The following SPOCK1 variants were observed in gnomAD, a reference collection of about 807,000 sequenced individuals.
The protein encoded by SPOCK1 is SPARC (osteonectin), cwcv and kazal like domains proteoglycan 1.
Under a neutral mutation model 55.3 loss-of-function variants are expected in SPOCK1, and 23 were observed. The observed-to-expected ratio is 0.42, with a 90% CI of 0.30 to 0.59. The LOEUF (loss-of-function observed/expected upper bound fraction) is 0.59. Ranked by LOEUF, SPOCK1 falls within the 20% of genes least tolerant of loss-of-function variation. The pLI is 0.22. For synonymous variants in SPOCK1, 226 were observed against 221.0 expected (o/e 1.02, Z -0.20); for missense variants, 499 against 552.5 (o/e 0.90, Z 0.97).
intron 6 of SPOCK1, among the ~76,000 whole-genome samples, chr5:137,017,949 A>C (rs2126978370): frequency 6.6e-6 from 1 of 152,338 alleles, no homozygotes; most frequent in Non-Finnish European, 1.5e-5. Context: ...AAATTCTCCA[A>C]ATTACAATTC....
In SPOCK1 at chr5:137,498,380, A is replaced by C. The variant is rs1305058436; in HGVS notation, c.179T>G (p.Phe60Cys). 17 of 1,598,206 alleles carry C rather than the reference A, an allele frequency of 1.1e-5. No homozygotes were observed. The highest frequency in any genetic ancestry group is 1.4e-5 in the Non-Finnish European group (16 of 1,172,302). Residue 60 changes from phenylalanine (F) to cysteine (C), a missense_variant, in exon 2 of 11, where the codon TTT (phenylalanine) becomes TGT (cysteine). This residue lies in a region of SPOCK1 where 386 missense variants were observed against 400.6 expected (regional missense o/e 0.96). Transcript: ENST00000394945. ...QYDRDKYWNR[F>C]RDDDYFRNWN... ...GGTGGCGCCGGTACTCACGTCTCGA[A>C]AGCGGTTCCAGTACTTGTCCCGGTC...
At chr5:137,136,921 A>C (rs1001848013) in intron 4 of SPOCK1, among the ~76,000 whole-genome samples, 1 of 152,212 alleles carries the variant, frequency 6.6e-6, no homozygotes, top group African/African-American at 2.4e-5. Flanking sequence ...GAAACCAAAT[A>C]CAAATGCCAC....
intron 6 of SPOCK1, among the ~76,000 whole-genome samples, chr5:137,043,834 T>A (rs1008425110): frequency 6.6e-6 from 1 of 152,148 alleles, no homozygotes; most frequent in Non-Finnish European, 1.5e-5. Flanking sequence ...CTGGATGAGA[T>A]CCTGGAACAG....
At chr5:137,054,478 G>A (rs2126999439) in intron 6 of SPOCK1, among the ~76,000 whole-genome samples, 1 of 152,352 alleles carries the variant, frequency 6.6e-6, no homozygotes, top group African/African-American at 2.4e-5. Flanking sequence ...GTACAAGACA[G>A]AAAGCAAAGG....
At chr5:137,163,596 T>G (rs973146923) in intron 3 of SPOCK1, among the ~76,000 whole-genome samples, 6 of 152,192 alleles carry the variant, frequency 3.9e-5, no homozygotes, top group African/African-American at 1.2e-4. Context: ...CTCATAATAA[T>G]CTTTTGAAGT....
intron 2 of SPOCK1, among the ~76,000 whole-genome samples, chr5:137,282,740 C>T (rs1420313577): frequency 2.0e-5 from 3 of 152,202 alleles, no homozygotes; most frequent in South Asian, 2.1e-4. Context: ...CATGAAGAGA[C>T]TTGGCCTCCT....
intron 2 of SPOCK1, among the ~76,000 whole-genome samples, chr5:137,426,393 A>G (rs1752613067): frequency 6.6e-6 from 1 of 152,192 alleles, no homozygotes; most frequent in Non-Finnish European, 1.5e-5. Context: ...CTTTTCAGGA[A>G]CTCTTACTCA....
intron 2 of SPOCK1, among the ~76,000 whole-genome samples, chr5:137,462,638 G>A (rs1442656414): frequency 6.6e-6 from 1 of 152,230 alleles, no homozygotes; most frequent in Admixed American, 6.5e-5. Flanking sequence ...TGGAGCTACT[G>A]TGAGTATTAA....
At chr5:137,118,735 G>A (rs767019276) in intron 4 of SPOCK1, among the ~76,000 whole-genome samples, 7 of 152,306 alleles carry the variant, frequency 4.6e-5, no homozygotes, top group South Asian at 4.1e-4. Context: ...TGCTAAAAAC[G>A]TGTAGAATTG....
intron 2 of SPOCK1, among the ~76,000 whole-genome samples, chr5:137,470,179 G>A (rs1246069540): frequency 6.6e-6 from 1 of 152,112 alleles, no homozygotes; most frequent in Non-Finnish European, 1.5e-5. Flanking sequence ...AATGTATTTG[G>A]CCATTTATTG....
At chr5:137,304,243 A>C (rs146937769) in intron 2 of SPOCK1, among the ~76,000 whole-genome samples, 1 of 152,084 alleles carries the variant, frequency 6.6e-6, no homozygotes, top group Non-Finnish European at 1.5e-5. Context: ...AAAGGCTTGA[A>C]CCCACATGTA....
chr5:137,238,059 C>A (rs1756212867), intron 3 of SPOCK1, among the ~76,000 whole-genome samples: 1 of 152,106 alleles, frequency 6.6e-6, no homozygotes, highest in South Asian at 2.1e-4. Context: ...TGATCTTGGG[C>A]AAGACTGGTT....
At position 137,374,483 on chromosome 5, in the gene SPOCK1, G is replaced by A. The variant is rs185245998; in HGVS notation, c.187-107428C>T. ...ATGAGCGATGCACCTGCTGACCACA[G>A]GTTCCTGCACTAGCAGGGAGGAGGG... On this transcript the variant is annotated intron_variant, in intron 2 of 10. Coordinates refer to ENST00000394945, the MANE Select transcript of SPOCK1 (RefSeq NM_004598.4). Among the ~76,000 whole-genome samples the A allele has an allele frequency of 2.9e-3, 436 of 152,288 alleles. 17 individuals are homozygous for A. The highest frequency in any genetic ancestry group is 0.025 in the Admixed American group (386 of 15,310).
intron 10 of SPOCK1, 97 bp from the exon 11 acceptor site, chr5:136,978,941 A>T (rs1215701804): frequency 1.5e-6 from 2 of 1,321,552 alleles, no homozygotes; most frequent in African/African-American, 3.0e-5. Flanking sequence ...AAAACCAAGC[A>T]GTTTACTTTC....
At chr5:137,008,997 G>C (rs546127427) in intron 6 of SPOCK1, among the ~76,000 whole-genome samples, 1 of 152,010 alleles carries the variant, frequency 6.6e-6, no homozygotes, top group Admixed American at 6.6e-5. Flanking sequence ...ATTAAAAAAC[G>C]TAAAGGAAAA....
rs537977547 is a variant in SPOCK1 at position 137,185,355 on chromosome 5, C to T, written c.233-44661G>A. Among the ~76,000 whole-genome samples the T allele has an allele frequency of 2.5e-3, 384 of 152,304 alleles. 1 individual carries two copies. The highest frequency in any genetic ancestry group is 4.0e-3 in the Non-Finnish European group (272 of 68,026). ...AGAAGAACCTGCCACCAGAAGATAG[C>T]CACCAGCTGCCCCTCACCACCTGTC... is the stretch of plus-strand genomic sequence containing the variant. On this transcript the variant is annotated intron_variant, in intron 3 of 10. Transcript: ENST00000394945.
At chr5:137,478,979 C>G (rs1753894136) in intron 2 of SPOCK1, among the ~76,000 whole-genome samples, 2 of 152,040 alleles carry the variant, frequency 1.3e-5, no homozygotes, top group South Asian at 4.2e-4. Context: ...CCCTGCTCCC[C>G]CAGTCTGTAT....
chr5:137,461,708 T>C (rs957520499), intron 2 of SPOCK1, among the ~76,000 whole-genome samples: 3 of 152,016 alleles, frequency 2.0e-5, no homozygotes, highest in African/African-American at 7.3e-5. Flanking sequence ...TTTAAGAAAA[T>C]TTCATCCTAA....
At chr5:137,225,758 T>C (rs946074227) in intron 3 of SPOCK1, among the ~76,000 whole-genome samples, 5 of 152,210 alleles carry the variant, frequency 3.3e-5, no homozygotes, top group Admixed American at 6.5e-5. Flanking sequence ...AAAATTTGCA[T>C]GTCTAATACT....
Sources: gnomAD v4.1 joint callset for allele counts (sites outside exome capture counted in the v4.1 genomes callset) on GRCh38, gnomAD v4.1.1 for gene constraint, gnomAD v4.1.1 regional missense constraint, MANE v1.5 for transcripts, NCBI Gene and HGNC (gene_info 2026-07-23, HGNC 2026-07-21) for gene names.